The following ADCY5 variants were observed in gnomAD, a reference collection of about 807,000 sequenced individuals.
The protein encoded by ADCY5 is adenylate cyclase 5.
Under a neutral mutation model 119.7 loss-of-function variants are expected in ADCY5, and 30 were observed. The observed-to-expected ratio is 0.25, with a 90% CI of 0.19 to 0.34. The LOEUF is 0.34. ADCY5 is among the 10% of genes least tolerant of loss of function. The pLI is 1.00. For synonymous variants in ADCY5, 753 were observed against 762.2 expected, an observed-to-expected ratio of 0.99 and a Z score of 0.20; for missense variants, 1,324 against 1,775.2, an observed-to-expected ratio of 0.75 and a Z score of 4.57.
At chr3:123,386,644 A>G (rs62262396) in intron 1 of ADCY5, among the ~76,000 whole-genome samples, 72,534 of 151,712 alleles carry the variant, frequency 0.48, 18,154 homozygotes, top group East Asian at 0.7. Flanking sequence ...TACCTGAGCC[A>G]TGGGCCCAAA....
At chr3:123,314,365 G>T in intron 11 of ADCY5, 43 bp from the exon 12 acceptor site, 2 of 1,497,798 alleles carry the variant, frequency 1.3e-6, no homozygotes, top group Non-Finnish European at 1.8e-6. Context: ...GGCTCAGGTG[G>T]CAGGGCTGCA....
In ADCY5 at chr3:123,291,310, G is replaced by A; in HGVS notation, c.3130C>T (p.Leu1044=). Residue 1044 remains leucine (L), a synonymous_variant, in exon 18 of 21, where the codon CTG becomes TTG. Transcript: ENST00000462833. ...AYNRRLLHNI[L]PKDVAAHFLA... ...AAGTGAGCGGCCACGTCCTTGGGCA[G>A]GATGTTGTGCAGCAGCCGCCGGTTG... is the stretch of plus-strand genomic sequence containing the variant. The A allele has an allele frequency of 6.2e-7, 1 of 1,613,972 alleles. No homozygotes were observed.
At chr3:123,350,822 T>C (rs1404551537) in intron 2 of ADCY5, among the ~76,000 whole-genome samples, 1 of 152,002 alleles carries the variant, frequency 6.6e-6, no homozygotes, top group African/African-American at 2.4e-5. Context: ...AGCTGTAAAA[T>C]GGTAATTCCC....
intron 4 of ADCY5, among the ~76,000 whole-genome samples, chr3:123,332,054 G>A (rs1444765045): frequency 8.5e-5 from 13 of 152,208 alleles, no homozygotes; most frequent in Non-Finnish European, 1.2e-4. Context: ...CACCACTCCC[G>A]GCCATGGAGT....
chr3:123,372,631 C>T (rs1943678999), intron 1 of ADCY5, among the ~76,000 whole-genome samples: 3 of 152,170 alleles, frequency 2.0e-5, no homozygotes, highest in Admixed American at 2.0e-4. Context: ...GCCTGCCTCC[C>T]ACCCCTAAAA....
chr3:123,428,611 T>C (rs1346334213), intron 1 of ADCY5, among the ~76,000 whole-genome samples: 2 of 152,160 alleles, frequency 1.3e-5, no homozygotes, highest in Admixed American at 6.5e-5. Flanking sequence ...GCAGTGAACA[T>C]AGAAACTTCT....
At chr3:123,425,141 G>A (rs1420564043) in intron 1 of ADCY5, among the ~76,000 whole-genome samples, 1 of 152,134 alleles carries the variant, frequency 6.6e-6, no homozygotes, top group African/African-American at 2.4e-5. Flanking sequence ...TGGATGGGCA[G>A]GAAGCTGGCA....
intron 1 of ADCY5, among the ~76,000 whole-genome samples, chr3:123,442,599 C>G (rs1945742505): frequency 6.6e-6 from 1 of 152,242 alleles, no homozygotes; most frequent in Non-Finnish European, 1.5e-5. Context: ...CTGGGTCCCA[C>G]AGCACACAGA....
At chr3:123,318,475 G>A (rs1057438576) in intron 10 of ADCY5, among the ~76,000 whole-genome samples, 1 of 152,178 alleles carries the variant, frequency 6.6e-6, no homozygotes, top group African/African-American at 2.4e-5. Flanking sequence ...AACAGCCCAA[G>A]AAGTCGGAAT....
intron 17 of ADCY5, among the ~76,000 whole-genome samples, chr3:123,291,582 A>C (rs1018861192): frequency 1.3e-5 from 2 of 152,082 alleles, no homozygotes; most frequent in Non-Finnish European, 2.9e-5. Context: ...GGACTTTGAC[A>C]ATCAGAAAAG....
At chr3:123,285,614 C>T (rs1938694344) in intron 20 of ADCY5, among the ~76,000 whole-genome samples, 1 of 152,208 alleles carries the variant, frequency 6.6e-6, no homozygotes, top group African/African-American at 2.4e-5. Flanking sequence ...GGGGACCCCA[C>T]TGTGTTACTA....
intron 1 of ADCY5, 26 bp downstream of exon 1, chr3:123,447,386 G>T (rs1945838559): frequency 2.6e-6 from 4 of 1,512,586 alleles, no homozygotes; most frequent in Non-Finnish European, 1.8e-6. Flanking sequence ...CCGCAATCCA[G>T]TCCCGGTGGC....
intron 20 of ADCY5, among the ~76,000 whole-genome samples, chr3:123,285,501 T>C (rs550037427): frequency 3.5e-4 from 54 of 152,302 alleles, no homozygotes; most frequent in Admixed American, 3.5e-3. Context: ...AAGAGCTGTT[T>C]GTGAGCATCG....
At position 123,296,264 on chromosome 3, in the gene ADCY5, G is replaced by A. The variant is rs754808533; in HGVS notation, c.2931-48C>T. On this transcript the variant is annotated intron_variant, in intron 16 of 20. Transcript: ENST00000462833. ...CCTGAGACGGCCGTGGCTCCTCACA[G>A]CGGGCTCTGAGGACCCCACCCCCAC... 2.0e-5 allele frequency: 32 copies of A among 1,594,664 alleles called. No individual in the cohort carries two copies. The Admixed American group carries it at 5.1e-4, about 25-fold the overall frequency.
intron 1 of ADCY5, among the ~76,000 whole-genome samples, chr3:123,395,492 C>T (rs879917686): frequency 1.1e-4 from 17 of 152,172 alleles, no homozygotes; most frequent in Admixed American, 7.2e-4. Context: ...CTGTAAGCTA[C>T]GTGCAGACAG....
intron 1 of ADCY5, among the ~76,000 whole-genome samples, chr3:123,362,170 G>C (rs1190820027): frequency 6.6e-6 from 1 of 152,038 alleles, no homozygotes; most frequent in African/African-American, 2.4e-5. Flanking sequence ...CTGTTTTCTT[G>C]GGGATATATC....
intron 16 of ADCY5, 172 bp downstream of exon 16, chr3:123,297,181 C>T: frequency 7.5e-7 from 1 of 1,333,508 alleles, no homozygotes; most frequent in Non-Finnish European, 1.1e-6. Flanking sequence ...GGGCCTCTGC[C>T]CCCCGAGGAC....
intron 10 of ADCY5, among the ~76,000 whole-genome samples, chr3:123,318,783 G>A (rs1576565932): frequency 6.6e-6 from 1 of 152,186 alleles, no homozygotes; most frequent in African/African-American, 2.4e-5. Context: ...CTGCCACAAA[G>A]TCCAAAGAGA....
In ADCY5 at chr3:123,319,812, G is replaced by T; in HGVS notation, c.2118C>A (p.Ala706=). The T allele has an allele frequency of 6.2e-7, 1 of 1,613,848 alleles. No individual in the cohort carries two copies. The highest frequency in any genetic ancestry group is 8.5e-7 in the Non-Finnish European group (1 of 1,179,762). The part of the protein sequence containing the change: ...MGFEDPKDKN[A]QESANPEDEV... ...CATCCTCAGGGTTCGCACTCTCCTG[G>T]GCGTTCCTGGGGAGCAGAAGGCACG... Residue 706 remains alanine, a synonymous_variant, in exon 10 of 21, where the codon GCC becomes GCA. Coordinates refer to ENST00000462833, the MANE Select transcript of ADCY5 (RefSeq NM_183357.3).
Sources: gnomAD v4.1 joint callset for allele counts (sites outside exome capture counted in the v4.1 genomes callset) on GRCh38, gnomAD v4.1.1 for gene constraint, MANE v1.5 for transcripts, NCBI Gene and HGNC (gene_info 2026-07-23, HGNC 2026-07-21) for gene names.